The following CELF2 variants were observed in gnomAD, a reference collection of about 807,000 sequenced individuals.
CELF2 encodes the protein CUGBP Elav-like family member 2.
CELF2 carries 8 observed loss-of-function variants against 62.6 expected under a neutral mutation model. That is an observed-to-expected ratio of 0.13 (90% CI 0.07 to 0.23). The LOEUF (loss-of-function observed/expected upper bound fraction) is 0.23. Ranked by LOEUF, CELF2 falls within the 10% of genes least tolerant of loss-of-function variation. CELF2 has a pLI of 1.00. For missense variants in CELF2, 333 were observed against 671.0 expected (o/e 0.50, Z 5.56); for synonymous variants, 258 against 250.0 (o/e 1.03, Z -0.30).
rs11301213 is a variant in CELF2 at position 11,190,775 on chromosome 10, TAAAAAAA to T, written c.271+25115_271+25121del. ...GGCTGGGTTTTGTATCTCTTTTCTT[TAAAAAAA>T]AAAAAAAAAAAAAAAAAAAAAGCCA... is the stretch of plus-strand genomic sequence containing the variant. On this transcript the variant is annotated intron_variant, in intron 2 of 12. Transcript: ENST00000633077. Among the ~76,000 whole-genome samples the T allele has an allele frequency of 7.6e-3, 410 of 53,992 alleles. 4 individuals carry two copies. Among genetic ancestry groups the T allele is most frequent in the African/African-American group, 0.026 (331 of 12,812 alleles). 35.4% of individuals were successfully genotyped at this position (53,992 alleles called of 152,430 possible).
At chr10:11,184,307 C>T (rs1037165622) in intron 2 of CELF2, among the ~76,000 whole-genome samples, 5 of 152,224 alleles carry the variant, frequency 3.3e-5, no homozygotes, top group Non-Finnish European at 7.3e-5. Context: ...GCAACTTTAT[C>T]ACGAGTCTTG....
chr10:10,818,751 G>A (rs1438100240), intron 1 of CELF2, among the ~76,000 whole-genome samples: 1 of 151,876 alleles, frequency 6.6e-6, no homozygotes, highest in Admixed American at 6.6e-5. Context: ...CAATTTTTGT[G>A]TTTTTTAGTA....
chr10:10,465,158 C>T, the CELF2 span, among the ~76,000 whole-genome samples: 9 of 152,152 alleles, frequency 5.9e-5, no homozygotes, highest in East Asian at 1.4e-3. Context: ...TGAAAGTATA[C>T]GGATTGCTCC....
intron 12 of CELF2, among the ~76,000 whole-genome samples, chr10:11,326,300 G>A (rs2095721877): frequency 6.6e-6 from 1 of 152,200 alleles, no homozygotes. Flanking sequence ...ACACCATATT[G>A]GGGGCTTATT....
At chr10:10,625,400 T>C in the CELF2 span, among the ~76,000 whole-genome samples, 5 of 152,314 alleles carry the variant, frequency 3.3e-5, no homozygotes, top group South Asian at 1.0e-3. Flanking sequence ...TAACGTACTT[T>C]AGTGGGTACT....
At chr10:10,940,835 A>T (rs770141094) in intron 2 of CELF2, among the ~76,000 whole-genome samples, 1 of 152,094 alleles carries the variant, frequency 6.6e-6, no homozygotes, top group Non-Finnish European at 1.5e-5. Context: ...AAAAATATAT[A>T]TGTTTTTGGC....
At chr10:10,696,370 C>G in the CELF2 span, among the ~76,000 whole-genome samples, 2 of 151,568 alleles carry the variant, frequency 1.3e-5, no homozygotes, top group African/African-American at 4.9e-5. Context: ...TCTCAGATCT[C>G]CAGCTGCATG....
intron 1 of CELF2, among the ~76,000 whole-genome samples, chr10:11,091,595 G>A (rs1048111292): frequency 1.3e-5 from 2 of 152,218 alleles, no homozygotes; most frequent in Non-Finnish European, 2.9e-5. Context: ...AAACGAGCAT[G>A]TTCTCTGCTG....
the CELF2 span, among the ~76,000 whole-genome samples, chr10:10,593,909 T>A: frequency 6.6e-6 from 1 of 152,170 alleles, no homozygotes; most frequent in Non-Finnish European, 1.5e-5. Flanking sequence ...GCATACTCCA[T>A]AGGGTTATAG....
At chr10:10,739,923 T>G in the CELF2 span, among the ~76,000 whole-genome samples, 1 of 152,210 alleles carries the variant, frequency 6.6e-6, no homozygotes, top group Non-Finnish European at 1.5e-5. Flanking sequence ...CTTTGCCCCC[T>G]TTTTAATCAG....
At chr10:10,728,502 ACAGGGG>A in the CELF2 span, among the ~76,000 whole-genome samples, 1 of 151,710 alleles carries the variant, frequency 6.6e-6, no homozygotes, top group Admixed American at 6.6e-5. Context: ...AAGCAAAGAA[ACAGGGG>A]CAGGAAAGCA....
At chr10:10,576,809 T>C in the CELF2 span, among the ~76,000 whole-genome samples, 1 of 152,174 alleles carries the variant, frequency 6.6e-6, no homozygotes, top group Admixed American at 6.5e-5. Context: ...GTAACTGGTA[T>C]AAAGTAAATT....
chr10:10,727,944 A>G, the CELF2 span, among the ~76,000 whole-genome samples: 1,004 of 152,206 alleles, frequency 6.6e-3, 3 homozygotes, highest in East Asian at 0.021. Context: ...GGACACAAAG[A>G]TGAATAAGAT....
chr10:10,845,378 T>C (rs908566387), intron 1 of CELF2, among the ~76,000 whole-genome samples: 1 of 149,208 alleles, frequency 6.7e-6, no homozygotes, highest in Non-Finnish European at 1.5e-5. Context: ...TAACCCTATG[T>C]TCTCGGGATA....
At chr10:11,167,424 T>C (rs2067544744) in intron 2 of CELF2, among the ~76,000 whole-genome samples, 1 of 152,258 alleles carries the variant, frequency 6.6e-6, no homozygotes, top group Non-Finnish European at 1.5e-5. Context: ...TTTTGGTTTA[T>C]CAGCATTTTT....
In CELF2 at chr10:11,209,338, C is replaced by T. The variant is rs531514890; in HGVS notation, c.272-8087C>T. ...GTCCAGCCACAGGAATTCACACCAA[C>T]GGGCCCAGAGTCGGTCATAGTGCCC... On this transcript the variant is annotated intron_variant, in intron 2 of 12. Transcript: ENST00000633077. Among the ~76,000 whole-genome samples the T allele has an allele frequency of 4.6e-5, 7 of 151,952 alleles. No homozygotes were observed. In the East Asian group the frequency reaches 7.8e-4, roughly 17 times the overall value.
chr10:11,231,429 AGC>A (rs2068602069), intron 3 of CELF2, among the ~76,000 whole-genome samples: 1 of 152,204 alleles, frequency 6.6e-6, no homozygotes, highest in Admixed American at 6.5e-5. Context: ...TGGAACAGGA[AGC>A]AGAGTGGGGC....
At chr10:10,652,778 G>A in the CELF2 span, among the ~76,000 whole-genome samples, 1 of 151,882 alleles carries the variant, frequency 6.6e-6, no homozygotes, top group African/African-American at 2.4e-5. Context: ...ATGCCAAAAT[G>A]TAAAGACCAT....
At chr10:11,193,132 G>A (rs1443660963) in intron 2 of CELF2, among the ~76,000 whole-genome samples, 6 of 152,182 alleles carry the variant, frequency 3.9e-5, no homozygotes, top group Admixed American at 3.9e-4. Context: ...CAGATCTTCA[G>A]CCTCGCGTGG....
Sources: gnomAD v4.1 joint callset for allele counts (sites outside exome capture counted in the v4.1 genomes callset) on GRCh38, gnomAD v4.1.1 for gene constraint, MANE v1.5 for transcripts, NCBI Gene and HGNC (gene_info 2026-07-23, HGNC 2026-07-21) for gene names.